The following NXPE2 variants were observed in gnomAD, a reference collection of about 807,000 sequenced individuals.
The protein encoded by NXPE2 is neurexophilin and PC-esterase domain family member 2.
A neutral mutation model predicts 34.4 loss-of-function variants in NXPE2; 34 were observed. The observed-to-expected ratio is 0.99, with a 90% CI of 0.75 to 1.31. The LOEUF (loss-of-function observed/expected upper bound fraction) is 1.31. Among genes scored for constraint, NXPE2 ranks in the 40% most tolerant of loss-of-function variants. The pLI, the probability that NXPE2 is intolerant of heterozygous loss-of-function variation, is 0.00. For synonymous variants in NXPE2, 235 were observed against 231.3 expected, an observed-to-expected ratio of 1.02 and a Z score of -0.15; for missense variants, 649 against 672.5, an observed-to-expected ratio of 0.97 and a Z score of 0.39.
chr11:114,809,896 C>T, the NXPE2 span, among the ~76,000 whole-genome samples: 1 of 140,082 alleles, frequency 7.1e-6, no homozygotes, highest in Admixed American at 7.3e-5. Context: ...AATCCTAAGC[C>T]AAAAGAACAA....
At chr11:114,665,290 T>A in the NXPE2 span, among the ~76,000 whole-genome samples, 4 of 152,170 alleles carry the variant, frequency 2.6e-5, no homozygotes, top group Non-Finnish European at 5.9e-5. Context: ...TGCTAATTTC[T>A]CCCCCACAAT....
the NXPE2 span, among the ~76,000 whole-genome samples, chr11:114,538,994 T>C: frequency 5.7e-3 from 837 of 147,114 alleles, 11 homozygotes; most frequent in African/African-American, 0.019. Flanking sequence ...CGTGTGTTTA[T>C]TGAGGCACTA....
At chr11:114,646,174 TAAAC>T in the NXPE2 span, among the ~76,000 whole-genome samples, 3 of 152,200 alleles carry the variant, frequency 2.0e-5, no homozygotes, top group South Asian at 4.1e-4. Context: ...TTCTATATCT[TAAAC>T]TAACTATGTC....
chr11:114,783,952 TTATC>T, the NXPE2 span, among the ~76,000 whole-genome samples: 4 of 152,188 alleles, frequency 2.6e-5, no homozygotes, highest in Non-Finnish European at 5.9e-5. Context: ...TGTTTGATCT[TTATC>T]TAGCTAGTTG....
At chr11:114,695,715 G>C (rs112793399) in intron 2 of NXPE2, among the ~76,000 whole-genome samples, 1 of 151,892 alleles carries the variant, frequency 6.6e-6, no homozygotes, top group Admixed American at 6.6e-5. Context: ...GAAATTGGCC[G>C]GGCACAGTGG....
At chr11:114,636,221 T>G in the NXPE2 span, among the ~76,000 whole-genome samples, 1 of 152,080 alleles carries the variant, frequency 6.6e-6, no homozygotes, top group Non-Finnish European at 1.5e-5. Flanking sequence ...AATTTATCCA[T>G]TTTTTCTAGA....
intron 3 of NXPE2, among the ~76,000 whole-genome samples, chr11:114,701,569 A>C: frequency 6.6e-6 from 1 of 152,184 alleles, no homozygotes. Flanking sequence ...TAGAGATTTC[A>C]GTCTCCCTAC....
chr11:114,624,524 C>T, the NXPE2 span, among the ~76,000 whole-genome samples: 6 of 152,092 alleles, frequency 3.9e-5, no homozygotes, highest in Admixed American at 2.0e-4. Flanking sequence ...TAATTATTGC[C>T]TCGTGGGTAA....
chr11:114,674,528 T>C (rs1157733241), upstream of NXPE2, among the ~76,000 whole-genome samples: 3 of 151,014 alleles, frequency 2.0e-5, no homozygotes, highest in African/African-American at 7.3e-5. Flanking sequence ...AAGAAAAAAC[T>C]TGTAGTAGAT....
chr11:114,639,867 T>G, the NXPE2 span, among the ~76,000 whole-genome samples: 4 of 44,888 alleles, frequency 8.9e-5, no homozygotes, highest in Non-Finnish European at 1.1e-4. Flanking sequence ...TATTATATTT[T>G]ATATTAAATA....
chr11:114,686,902 T>C (rs1340192298), intron 2 of NXPE2, among the ~76,000 whole-genome samples: 1 of 152,038 alleles, frequency 6.6e-6, no homozygotes, highest in Non-Finnish European at 1.5e-5. Context: ...TTGTTGGCCA[T>C]GTGTATGTCT....
chr11:114,636,101 C>CTT, the NXPE2 span, among the ~76,000 whole-genome samples: 149,602 of 151,710 alleles, frequency 0.99, 73,778 homozygotes, highest in Middle Eastern at 1. Context: ...GTCCTGGACT[C>CTT]TTTCGTTGGT....
the NXPE2 span, among the ~76,000 whole-genome samples, chr11:114,525,855 G>A: frequency 6.6e-6 from 1 of 152,204 alleles, no homozygotes; most frequent in African/African-American, 2.4e-5. Flanking sequence ...CTCAGCCTTT[G>A]GAAGTTAATC....
chr11:114,652,241 T>C, the NXPE2 span, among the ~76,000 whole-genome samples: 2 of 152,182 alleles, frequency 1.3e-5, no homozygotes, highest in African/African-American at 2.4e-5. Flanking sequence ...ATTTGGTGCA[T>C]GAAAAAGTAT....
chr11:114,740,429 T>C, the NXPE2 span, among the ~76,000 whole-genome samples: 1 of 152,306 alleles, frequency 6.6e-6, no homozygotes, highest in Admixed American at 6.5e-5. Context: ...TTCTTCGACA[T>C]GCAAGTGCAA....
At chr11:114,471,838 A>G in the NXPE2 span, among the ~76,000 whole-genome samples, 1 of 152,206 alleles carries the variant, frequency 6.6e-6, no homozygotes, top group Non-Finnish European at 1.5e-5. Context: ...AGGAAATGTA[A>G]TGTTTCCTAG....
the NXPE2 span, among the ~76,000 whole-genome samples, chr11:114,575,808 T>C: frequency 5.9e-4 from 90 of 152,060 alleles, no homozygotes; most frequent in Non-Finnish European, 9.3e-4. Flanking sequence ...GCAATTTTCT[T>C]CAAAATACCA....
the NXPE2 span, among the ~76,000 whole-genome samples, chr11:114,773,827 T>C: frequency 1.3e-5 from 2 of 152,210 alleles, no homozygotes; most frequent in Non-Finnish European, 2.9e-5. Context: ...TAGACATCTC[T>C]TGTCTGCTCC....
the NXPE2 span, among the ~76,000 whole-genome samples, chr11:114,481,338 T>C: frequency 6.6e-6 from 1 of 152,204 alleles, no homozygotes; most frequent in Non-Finnish European, 1.5e-5. Flanking sequence ...AAGGAACTCA[T>C]CTCAGATTTT....
Sources: allele counts gnomAD v4.1 joint callset (sites outside exome capture counted in the v4.1 genomes callset), GRCh38; gene constraint gnomAD v4.1.1; transcripts MANE v1.5; gene names NCBI Gene and HGNC (gene_info 2026-07-23, HGNC 2026-07-21).